Variants in SLC38A1 observed in about 807,000 individuals in gnomAD.
SLC38A1 encodes solute carrier family 38 member 1.
Under a neutral mutation model 60.3 loss-of-function variants are expected in SLC38A1, and 18 were observed. The observed-to-expected ratio is 0.30, with a 90% CI of 0.21 to 0.44. The LOEUF (loss-of-function observed/expected upper bound fraction) is 0.44. SLC38A1 is among the 20% of genes least tolerant of loss of function. The pLI, the probability that SLC38A1 is intolerant of heterozygous loss-of-function variation, is 1.00. For missense variants in SLC38A1, 448 were observed against 587.2 expected, an observed-to-expected ratio of 0.76 and a Z score of 2.45; for synonymous variants, 196 against 212.1, an observed-to-expected ratio of 0.92 and a Z score of 0.66.
chr12:46,208,062 C>T (rs1939988487), intron 6 of SLC38A1, among the ~76,000 whole-genome samples: 1 of 152,194 alleles, frequency 6.6e-6, no homozygotes, highest in East Asian at 1.9e-4. Context: ...AAGGAATTAT[C>T]TTAATAACAT....
chr12:46,217,888 A>C (rs978847500), intron 5 of SLC38A1, among the ~76,000 whole-genome samples: 23 of 152,204 alleles, frequency 1.5e-4, no homozygotes, highest in Non-Finnish European at 1.5e-5. Context: ...CTTGTAGGTA[A>C]ATCTAAGCTC....
At chr12:46,217,567 T>G (rs1441340731) in intron 5 of SLC38A1, among the ~76,000 whole-genome samples, 1 of 152,336 alleles carries the variant, frequency 6.6e-6, no homozygotes, top group East Asian at 1.9e-4. Context: ...AACCCCTTTT[T>G]AGGGGAGAGT....
intron 3 of SLC38A1, among the ~76,000 whole-genome samples, chr12:46,232,169 C>T (rs545648878): frequency 6.6e-6 from 1 of 152,286 alleles, no homozygotes; most frequent in Non-Finnish European, 1.5e-5. Context: ...CTGCTTTTGG[C>T]TAGGACCTGC....
At position 46,268,929 on chromosome 12, in the gene SLC38A1, C is replaced by T. The variant is rs950477293; in HGVS notation, c.-612G>A. 3 of 454,590 alleles carry T rather than the reference C, an allele frequency of 6.6e-6. No individual in the cohort carries two copies. Among genetic ancestry groups the T allele is most frequent in the Non-Finnish European group, 1.3e-5 (3 of 225,680 alleles). The allele number at this position is 454,590 out of a possible 1,614,324, so 28.2% of individuals were successfully genotyped here. ...ATTCTCCTACTGGGGGACGCGTGGC[C>T]CTTCCGCAACCATGGCTTGTGATGG... is the stretch of plus-strand genomic sequence containing the variant. On this transcript the variant is annotated 5_prime_UTR_variant, in exon 1 of 17. Transcript: ENST00000398637. This position sits in a 1 kb window ranked among gnomAD's most constrained non-coding sequence, Gnocchi z 4.4.
intron 14 of SLC38A1, 150 bp from the exon 15 acceptor site, chr12:46,198,210 A>G: frequency 1.2e-6 from 1 of 829,458 alleles, no homozygotes; most frequent in Non-Finnish European, 1.8e-6. Context: ...ACAGTTTTGG[A>G]AGTACGGGGG....
rs111377079 is a variant in SLC38A1, at chr12:46,202,574, CTTA to C, written c.902+433_902+435del. The stretch of plus-strand genomic sequence containing the variant: ...TAGTTTGTGGTCTTAATATTGATTT[CTTA>C]TTGTCTGATTTACTAGCCTTTTCAC... On this transcript the variant is annotated intron_variant, in intron 12 of 16. Transcript: ENST00000398637. Among the ~76,000 whole-genome samples, 1,121 of 152,250 alleles carry C rather than the reference CTTA, an allele frequency of 7.4e-3. 16 individuals carry two copies. Among genetic ancestry groups the C allele is most frequent in the African/African-American group, 0.026 (1,069 of 41,528 alleles).
At chr12:46,194,138 A>C (rs925642129) in intron 16 of SLC38A1, among the ~76,000 whole-genome samples, 3 of 152,170 alleles carry the variant, frequency 2.0e-5, no homozygotes, top group African/African-American at 4.8e-5. Flanking sequence ...GGTGGTGACA[A>C]AATCTCTCAG....
At chr12:46,207,643 G>A (rs1461697002) in intron 6 of SLC38A1, 22 bp from the exon 7 acceptor site, 1 of 1,601,246 alleles carries the variant, frequency 6.2e-7, no homozygotes, top group Non-Finnish European at 8.6e-7. Flanking sequence ...TCAAATTTGA[G>A]AACACAAGAA....
chr12:46,213,231 A>G (rs1340731851), intron 5 of SLC38A1, among the ~76,000 whole-genome samples: 2 of 152,138 alleles, frequency 1.3e-5, no homozygotes, highest in African/African-American at 4.8e-5. Flanking sequence ...TCTATTTTGG[A>G]ATTCATTTTT....
At chr12:46,199,573 G>T (rs9669411) in intron 13 of SLC38A1, among the ~76,000 whole-genome samples, 1,834 of 150,460 alleles carry the variant, frequency 0.012, 54 homozygotes, top group African/African-American at 0.043. Context: ...TGCCCAGGCT[G>T]GTCTCGAACT....
chr12:46,218,131 A>C (rs189063102), intron 5 of SLC38A1, among the ~76,000 whole-genome samples: 4 of 152,218 alleles, frequency 2.6e-5, no homozygotes, highest in African/African-American at 9.6e-5. Flanking sequence ...TGTACCAGTG[A>C]GAAAGAGCGC....
At chr12:46,254,392 A>G (rs1039098387) in intron 1 of SLC38A1, among the ~76,000 whole-genome samples, 1 of 152,242 alleles carries the variant, frequency 6.6e-6, no homozygotes, top group African/African-American at 2.4e-5. Context: ...AAGACAAATC[A>G]TAGTAACACT....
intron 16 of SLC38A1, among the ~76,000 whole-genome samples, chr12:46,194,021 C>T (rs1014164350): frequency 1.3e-5 from 2 of 152,146 alleles, no homozygotes; most frequent in Non-Finnish European, 2.9e-5. Flanking sequence ...GCAGTTTTTT[C>T]ATAGAGTCAC....
intron 1 of SLC38A1, among the ~76,000 whole-genome samples, chr12:46,255,852 G>C (rs941933697): frequency 6.6e-6 from 1 of 152,082 alleles, no homozygotes; most frequent in Non-Finnish European, 1.5e-5. Flanking sequence ...AGCCAAAGTA[G>C]GTAAACTGAA....
At position 46,185,144 on chromosome 12, in the gene SLC38A1, C is replaced by T. The variant is rs549914108; in HGVS notation, c.*3826G>A. The T allele has an allele frequency of 4.6e-5, 7 of 152,348 alleles. No individual in the cohort carries two copies. In the East Asian group the frequency reaches 1.2e-3, roughly 25 times the overall value. The allele number at this position is 152,348 out of a possible 1,614,324, so 9.4% of individuals were successfully genotyped here. A position where few individuals can be genotyped will look rare whatever the true frequency, so the allele number is the denominator to read the frequency against. The stretch of plus-strand genomic sequence containing the variant: ...TAGGGTGGTTCTCAAACTTGATGCG[C>T]TTTAGAATCATTTGCTGAGTCCCTC... On this transcript the variant is annotated 3_prime_UTR_variant, in exon 17 of 17. Transcript: ENST00000398637.
chr12:46,223,595 CA>C (rs2137727950), intron 5 of SLC38A1, among the ~76,000 whole-genome samples: 1 of 152,186 alleles, frequency 6.6e-6, no homozygotes, highest in Admixed American at 6.5e-5. Context: ...CCCACAACCA[CA>C]ACACAAATGA....
chr12:46,238,041 G>A (rs527410885), intron 3 of SLC38A1, among the ~76,000 whole-genome samples: 23 of 151,952 alleles, frequency 1.5e-4, no homozygotes, highest in Non-Finnish European at 2.5e-4. Flanking sequence ...CCTTGGATAA[G>A]TTATTTTCTT....
intron 5 of SLC38A1, among the ~76,000 whole-genome samples, chr12:46,218,014 C>T (rs1036427048): frequency 6.6e-6 from 1 of 152,116 alleles, no homozygotes; most frequent in Non-Finnish European, 1.5e-5. Context: ...ATATAATCCT[C>T]AAAAGAAAGA....
chr12:46,250,208 A>G (rs1025228162), intron 1 of SLC38A1, among the ~76,000 whole-genome samples: 14 of 152,224 alleles, frequency 9.2e-5, no homozygotes, highest in Admixed American at 1.3e-4. Flanking sequence ...AACCTAATCC[A>G]TCACATAAAC....
Sources: gnomAD v4.1 joint callset for allele counts (sites outside exome capture counted in the v4.1 genomes callset) on GRCh38, gnomAD v4.1.1 for gene constraint, Gnocchi (gnomAD v3.1) non-coding constraint, MANE v1.5 for transcripts, NCBI Gene and HGNC (gene_info 2026-07-23, HGNC 2026-07-21) for gene names.